PCDHAC1: variants seen among roughly 807,000 people sequenced by gnomAD.
PCDHAC1 encodes protocadherin alpha subfamily C, 1.
Under a neutral mutation model 60.0 loss-of-function variants are expected in PCDHAC1, and 42 were observed. That is an observed-to-expected ratio of 0.70 (90% CI 0.55 to 0.90). The LOEUF is 0.90. Among genes scored for constraint, PCDHAC1 ranks in the 40% least tolerant of loss-of-function variants. PCDHAC1 has a pLI of 0.00. For synonymous variants in PCDHAC1, 468 were observed against 499.3 expected (o/e 0.94, Z 0.84); for missense variants, 1,160 against 1,222.3 (o/e 0.95, Z 0.76).
At position 140,928,733 on chromosome 5, in the gene PCDHAC1, A is replaced by G. The variant is rs1435823697; in HGVS notation, c.1841A>G (p.Asn614Ser). 2 of 1,614,100 alleles carry G rather than the reference A, an allele frequency of 1.2e-6. No individual in the cohort carries two copies. Among genetic ancestry groups the G allele is most frequent in the Non-Finnish European group, 1.7e-6 (2 of 1,180,032 alleles). Residue 614 changes from asparagine to serine, a missense_variant, in exon 1 of 4, where the codon AAT becomes AGT. By Grantham distance (46) the Asn-to-Ser change is conservative. Coordinates refer to ENST00000253807, the MANE Select transcript of PCDHAC1 (RefSeq NM_018898.5). ...TCTAGTCTCTTTAGAATTTCAGCCA[A>G]TATAGGTGAGCTCCGTACTGCTCGC... ...SDSSLFRISANIGELRTARLV... is the reference protein window; with the variant it reads ...SDSSLFRISASIGELRTARLV...
chr5:140,954,209 T>C (rs2094996699), intron 1 of PCDHAC1, among the ~76,000 whole-genome samples: 1 of 152,218 alleles, frequency 6.6e-6, no homozygotes, highest in Non-Finnish European at 1.5e-5. Context: ...GTTGATCCCA[T>C]GTTTTTGCTA....
intron 1 of PCDHAC1, among the ~76,000 whole-genome samples, chr5:140,963,991 A>G (rs1232646749): frequency 1.3e-5 from 2 of 152,190 alleles, no homozygotes; most frequent in Admixed American, 6.5e-5. Context: ...ATTCCTAATT[A>G]CTGTGTTCTA....
In PCDHAC1 at chr5:141,010,033, G is replaced by A. The variant is rs2098415819; in HGVS notation, c.*96G>A. 1.9e-6 allele frequency: 3 copies of A among 1,581,924 alleles called. No homozygotes were observed. The South Asian group carries it at 3.6e-5, about 19-fold the overall frequency. ...CCCTGCTCCTTTTTCCTATCTACAT[G>A]AGCCCTCTTAGAGACCTCAGAAATC... On this transcript the variant is annotated 3_prime_UTR_variant, in exon 4 of 4. Transcript: ENST00000253807.
At position 141,009,807 on chromosome 5, in the gene PCDHAC1, T is replaced by C. The variant is rs1554262456; in HGVS notation, c.2762T>C (p.Ile921Thr). ...CGGCAGGAGCCTACTAACAGCCAAA[T>C]TGACAAAAGTGACTTCATAACCTTC... is the stretch of plus-strand genomic sequence containing the variant. ...SIRQEPTNSQIDKSDFITFGK... is the reference protein window; with the variant it reads ...SIRQEPTNSQTDKSDFITFGK... Residue 921 changes from isoleucine to threonine, a missense_variant, in exon 4 of 4, where the codon ATT (isoleucine) becomes ACT (threonine). Ile to Thr is a moderately conservative substitution (Grantham distance 89). This residue lies in a region of PCDHAC1 where 1,113 missense variants were observed against 1,163.7 expected (regional missense o/e 0.96). Transcript: ENST00000253807. 9.9e-6 allele frequency: 16 copies of C among 1,613,824 alleles called. No homozygotes were observed. Among genetic ancestry groups the C allele is most frequent in the South Asian group, 1.1e-5 (1 of 91,066 alleles).
At chr5:140,980,858 A>T (rs2096908934) in intron 2 of PCDHAC1, among the ~76,000 whole-genome samples, 2 of 152,162 alleles carry the variant, frequency 1.3e-5, no homozygotes, top group Admixed American at 1.3e-4. Flanking sequence ...TCTTTTTCGT[A>T]TGTGTGCTTG....
chr5:141,001,360 A>G (rs1432580617), intron 3 of PCDHAC1, among the ~76,000 whole-genome samples: 2 of 152,212 alleles, frequency 1.3e-5, no homozygotes, highest in Non-Finnish European at 2.9e-5. Flanking sequence ...GTTTAAGCCT[A>G]CTATTCTGAT....
chr5:141,003,370 G>A (rs192935173), intron 3 of PCDHAC1, among the ~76,000 whole-genome samples: 1 of 152,262 alleles, frequency 6.6e-6, no homozygotes, highest in East Asian at 1.9e-4. Context: ...GGAGTGCAGT[G>A]GTGCAATCTC....
intron 1 of PCDHAC1, chr5:140,967,061 C>T: frequency 6.2e-7 from 1 of 1,612,886 alleles, no homozygotes; most frequent in Non-Finnish European, 8.5e-7. Context: ...GAGTGGAGCG[C>T]TCTTCGTCAA....
At chr5:141,009,271 A>G (rs1420991909) in intron 3 of PCDHAC1, among the ~76,000 whole-genome samples, 15 of 152,156 alleles carry the variant, frequency 9.9e-5, no homozygotes, top group Admixed American at 6.5e-4. Context: ...CCTGGGCAAC[A>G]TAGTGAGATC....
chr5:140,933,586 T>A (rs1474110331), intron 1 of PCDHAC1, among the ~76,000 whole-genome samples: 1 of 152,108 alleles, frequency 6.6e-6, no homozygotes, highest in Non-Finnish European at 1.5e-5. Flanking sequence ...AGTGGGTTTT[T>A]AGGTTGATTT....
chr5:140,938,034 A>G (rs541380016), intron 1 of PCDHAC1, among the ~76,000 whole-genome samples: 2 of 152,160 alleles, frequency 1.3e-5, no homozygotes, highest in South Asian at 4.2e-4. Flanking sequence ...TCATATTTTT[A>G]TATTTTGGGT....
intron 3 of PCDHAC1, among the ~76,000 whole-genome samples, chr5:140,987,224 A>C (rs28567024): frequency 6.6e-6 from 1 of 151,930 alleles, no homozygotes; most frequent in South Asian, 2.1e-4. Context: ...AAAAAAAAAA[A>C]AAATAATAAA....
chr5:140,976,494 G>A (rs1247242198), intron 1 of PCDHAC1, among the ~76,000 whole-genome samples: 1 of 151,942 alleles, frequency 6.6e-6, no homozygotes, highest in Non-Finnish European at 1.5e-5. Context: ...GAGGTTGCAG[G>A]GAGCCAAGAT....
In PCDHAC1 at chr5:140,927,974, T is replaced by C. The variant is rs1554205324; in HGVS notation, c.1082T>C (p.Leu361Pro). 3 of 1,614,098 alleles carry C rather than the reference T, an allele frequency of 1.9e-6. No individual in the cohort carries two copies. The highest frequency in any genetic ancestry group is 2.5e-6 in the Non-Finnish European group (3 of 1,180,046). The change falls in exon 1 of 4, where the codon CTC becomes CCC. Residue 361 changes from leucine (L) to proline (P), a missense_variant. Transcript: ENST00000253807. ...GCTGCCCCTGGCACAGTGATTGCTCTCTTTAGTGTAAAGGATGAAGACCTC... is the reference window on the plus strand; with the variant it reads ...GCTGCCCCTGGCACAGTGATTGCTCCCTTTAGTGTAAAGGATGAAGACCTC... ...EDAAPGTVIA[L>P]FSVKDEDLDS...
At chr5:140,952,057 C>T (rs1214818651) in intron 1 of PCDHAC1, among the ~76,000 whole-genome samples, 1 of 152,164 alleles carries the variant, frequency 6.6e-6, no homozygotes, top group Non-Finnish European at 1.5e-5. Flanking sequence ...AATCTTAAAG[C>T]TCCAAATAAT....
rs145968482 is a variant in PCDHAC1, at chr5:140,977,336, C to G, written c.2434-1613C>G. Among the ~76,000 whole-genome samples, 133 of 152,262 alleles carry G rather than the reference C, an allele frequency of 8.7e-4. 2 individuals carry two copies. The highest frequency in any genetic ancestry group is 3.9e-4 in the East Asian group (2 of 5,188). On this transcript the variant is annotated intron_variant, in intron 1 of 3. Coordinates refer to ENST00000253807, the MANE Select transcript of PCDHAC1 (RefSeq NM_018898.5). Reference sequence around the variant, plus strand: ...GTGCTCCTGATGGCGAGGGGAGAGACGGTGATGATGACTGATTGATAAAAA... The same window carrying G: ...GTGCTCCTGATGGCGAGGGGAGAGAGGGTGATGATGACTGATTGATAAAAA...
At position 141,010,636 on chromosome 5, in the gene PCDHAC1, A is replaced by G; in HGVS notation, c.*699A>G. On this transcript the variant is annotated 3_prime_UTR_variant, in exon 4 of 4. Coordinates refer to ENST00000253807, the MANE Select transcript of PCDHAC1 (RefSeq NM_018898.5). ...AAAATCTGCATCATACCTGCAAGCC[A>G]ACAGTTCAGTGTTTTAACAGAGAAC... is the stretch of plus-strand genomic sequence containing the variant. 1 of 183,300 alleles carries G rather than the reference A, an allele frequency of 5.5e-6. No individual in the cohort carries two copies. The highest frequency in any genetic ancestry group is 1.2e-5 in the Non-Finnish European group (1 of 86,478). 11.4% of individuals were successfully genotyped at this position (183,300 alleles called of 1,614,324 possible). A position where few individuals can be genotyped will look rare whatever the true frequency, so the allele number is the denominator to read the frequency against.
intron 1 of PCDHAC1, 106 bp downstream of exon 1, chr5:140,929,431 C>T (rs155360): frequency 0.52 from 779,088 of 1,485,262 alleles, 207,160 homozygotes; most frequent in African/African-American, 0.75. Context: ...ATCAATTGAA[C>T]TAAACACTCC....
intron 1 of PCDHAC1, among the ~76,000 whole-genome samples, chr5:140,957,690 T>G (rs2095375856): frequency 6.6e-6 from 1 of 152,060 alleles, no homozygotes; most frequent in South Asian, 2.1e-4. Context: ...ATCTAGACAA[T>G]GAACATTATG....
Sources: gnomAD v4.1 joint callset for allele counts (sites outside exome capture counted in the v4.1 genomes callset) on GRCh38, gnomAD v4.1.1 for gene constraint, gnomAD v4.1.1 regional missense constraint, MANE v1.5 for transcripts, NCBI Gene and HGNC (gene_info 2026-07-23, HGNC 2026-07-21) for gene names.